The following GCFC2 variants were observed in gnomAD, a reference collection of about 807,000 sequenced individuals.
The protein encoded by GCFC2 is GC-rich sequence DNA-binding factor 2.
Under a neutral mutation model 99.4 loss-of-function variants are expected in GCFC2, and 102 were observed. The ratio of observed to expected loss-of-function variants is 1.03; its 90% CI spans 0.87 to 1.21. The LOEUF is 1.21. GCFC2 is among the 50% of genes most tolerant of loss of function. GCFC2 has a pLI of 0.00. For synonymous variants in GCFC2, 338 were observed against 316.8 expected (o/e 1.07, Z -0.71); for missense variants, 973 against 920.9 (o/e 1.06, Z -0.73).
intron 13 of GCFC2, among the ~76,000 whole-genome samples, chr2:75,672,680 G>A (rs893510904): frequency 1.3e-5 from 2 of 152,038 alleles, no homozygotes; most frequent in African/African-American, 2.4e-5. Context: ...GCAGTTTCTC[G>A]TTCCTCAGCA....
Position 75,687,101 on chromosome 2 carries a change from G to C in GCFC2, c.1690+726C>G, listed in dbSNP as rs537809385. ...AGGTGCCTGCTACCACACCCAGCTA[G>C]TTTTTTGTATTTTTAGTAGAGACGA... On this transcript the variant is annotated intron_variant, in intron 11 of 16. Coordinates refer to ENST00000321027, the MANE Select transcript of GCFC2 (RefSeq NM_003203.5). 6.6e-5 allele frequency among the ~76,000 whole-genome samples: 10 copies of C among 152,128 alleles called. 1 individual carries two copies. In the East Asian group the frequency reaches 1.6e-3, roughly 24 times the overall value.
At chr2:75,692,413 G>C (rs1431877956) in intron 6 of GCFC2, among the ~76,000 whole-genome samples, 1 of 152,016 alleles carries the variant, frequency 6.6e-6, no homozygotes, top group African/African-American at 2.4e-5. Flanking sequence ...AGCACTTTGG[G>C]AGGTGGGTAG....
At chr2:75,669,952 T>C (rs1034295499) in intron 15 of GCFC2, 186 bp downstream of exon 15, 10 of 422,162 alleles carry the variant, frequency 2.4e-5, no homozygotes, top group African/African-American at 1.4e-4. Flanking sequence ...CTCAAACTCC[T>C]GACCTCACGC....
chr2:75,707,171 C>T (rs964410201), intron 1 of GCFC2, among the ~76,000 whole-genome samples: 1 of 152,194 alleles, frequency 6.6e-6, no homozygotes, highest in Non-Finnish European at 1.5e-5. Flanking sequence ...AACTTCAGAA[C>T]TTAGGCTCTC....
At position 75,680,266 on chromosome 2, in the gene GCFC2, C is replaced by T. The variant is rs1558736689; in HGVS notation, c.1739G>A (p.Ser580Asn). The part of the protein sequence containing the change: ...WDPLSTSQTT[S>N]LITHCRVILE... Reference sequence around the variant, plus strand: ...AATCACTCTGCAATGTGTTATTAAACTTGTTGTCTGTGAGGTTGACAAAGG... The same window carrying T: ...AATCACTCTGCAATGTGTTATTAAATTTGTTGTCTGTGAGGTTGACAAAGG... The change falls in exon 12 of 17, where the codon AGT becomes AAT. Residue 580 changes from serine (S) to asparagine (N), a missense_variant. By Grantham distance (46) the Ser-to-Asn change is conservative. Coordinates refer to ENST00000321027, the MANE Select transcript of GCFC2 (RefSeq NM_003203.5). The T allele has an allele frequency of 6.2e-7, 1 of 1,607,608 alleles. No homozygotes were observed. The highest frequency in any genetic ancestry group is 1.7e-5 in the Admixed American group (1 of 59,984).
chr2:75,708,414 T>C lies in GCFC2; in HGVS notation c.266-1763A>G, dbSNP rs185968765. The stretch of plus-strand genomic sequence containing the variant: ...CAAGATGTTACCAATCGTTCATGAG[T>C]AAAAGATCCAAAGTACAAAACAGAA... On this transcript the variant is annotated intron_variant, in intron 1 of 16. Coordinates refer to ENST00000321027, the MANE Select transcript of GCFC2 (RefSeq NM_003203.5). Among the ~76,000 whole-genome samples, 259 of 149,790 alleles carry C rather than the reference T, an allele frequency of 1.7e-3. 1 individual carries two copies. The highest frequency in any genetic ancestry group is 6.2e-3 in the African/African-American group (251 of 40,744).
intron 12 of GCFC2, among the ~76,000 whole-genome samples, chr2:75,679,096 C>G (rs1237580882): frequency 6.6e-6 from 1 of 152,208 alleles, no homozygotes; most frequent in Non-Finnish European, 1.5e-5. Context: ...TGTTTGTTAT[C>G]TTCCCTACTT....
intron 12 of GCFC2, among the ~76,000 whole-genome samples, chr2:75,675,126 T>G (rs1679277896): frequency 6.6e-6 from 1 of 152,214 alleles, no homozygotes; most frequent in African/African-American, 2.4e-5. Context: ...ATTGAAAATG[T>G]TATAAAGGAC....
chr2:75,711,348 A>G (rs1216973244), upstream of GCFC2: 3 of 240,558 alleles, frequency 1.2e-5, no homozygotes, highest in East Asian at 3.6e-4. Context: ...ACAAAACCAT[A>G]AAGTCTGTAC....
rs762613432 is a variant in GCFC2 at position 75,665,920 on chromosome 2, A to G, written c.2228+9T>C. ...CTCTTTATAGAAGTGAAAATAAAAT[A>G]TGCATTACCTGAATTCACTTCTAGA... On this transcript the variant is annotated intron_variant, in intron 16 of 16. Transcript: ENST00000321027. The G allele has an allele frequency of 6.4e-7, 1 of 1,555,932 alleles. No individual in the cohort carries two copies. Among genetic ancestry groups the G allele is most frequent in the Non-Finnish European group, 8.8e-7 (1 of 1,137,700 alleles).
intron 11 of GCFC2, among the ~76,000 whole-genome samples, chr2:75,680,695 AC>A (rs1354344934): frequency 2.0e-5 from 3 of 152,126 alleles, no homozygotes; most frequent in Admixed American, 6.5e-5. Flanking sequence ...ATTACTTCAT[AC>A]CTTCTCCCCT....
chr2:75,701,594 T>TA (rs1329147522), intron 3 of GCFC2, among the ~76,000 whole-genome samples: 14 of 152,324 alleles, frequency 9.2e-5, no homozygotes, highest in South Asian at 2.1e-4. Flanking sequence ...CCCTATATTG[T>TA]AAAAAACTGA....
intron 11 of GCFC2, among the ~76,000 whole-genome samples, chr2:75,686,772 G>A (rs1679834607): frequency 6.6e-6 from 1 of 152,084 alleles, no homozygotes; most frequent in Non-Finnish European, 1.5e-5. Flanking sequence ...AATTAAATAA[G>A]AGTTTTGCAG....
chr2:75,688,161 G>A (rs1381290666), intron 10 of GCFC2, among the ~76,000 whole-genome samples, 184 bp from the exon 11 acceptor site: 1 of 152,196 alleles, frequency 6.6e-6, no homozygotes, highest in African/African-American at 2.4e-5. Flanking sequence ...GAGACATGGT[G>A]TCTAAGTAAC....
At chr2:75,671,885 C>T in intron 14 of GCFC2, 65 bp downstream of exon 14, 1 of 769,280 alleles carries the variant, frequency 1.3e-6, no homozygotes. Flanking sequence ...GTTTGTTGTT[C>T]TTTGTTCTAT....
chr2:75,680,841 A>G (rs1679541817), intron 11 of GCFC2, among the ~76,000 whole-genome samples: 1 of 152,206 alleles, frequency 6.6e-6, no homozygotes, highest in South Asian at 2.1e-4. Flanking sequence ...GCAATCAGAA[A>G]AGCAGCACTA....
chr2:75,675,793 ATATTT>A (rs1679310412), intron 12 of GCFC2, among the ~76,000 whole-genome samples: 1 of 151,888 alleles, frequency 6.6e-6, no homozygotes, highest in South Asian at 2.1e-4. Flanking sequence ...ATAAATTCAC[ATATTT>A]TAAAACCGTG....
chr2:75,694,848 T>C (rs938713485), intron 5 of GCFC2, among the ~76,000 whole-genome samples: 2 of 152,116 alleles, frequency 1.3e-5, no homozygotes, highest in African/African-American at 4.8e-5. Flanking sequence ...AACGGGAATA[T>C]ATAAGTATAC....
chr2:75,690,510 CTAT>C, intron 8 of GCFC2, 125 bp downstream of exon 8: 1 of 640,190 alleles, frequency 1.6e-6, no homozygotes. Context: ...TTTTGCTTTT[CTAT>C]TATTCTTACA....
Sources: gnomAD v4.1 joint callset for allele counts (sites outside exome capture counted in the v4.1 genomes callset) on GRCh38, gnomAD v4.1.1 for gene constraint, MANE v1.5 for transcripts, NCBI Gene and HGNC (gene_info 2026-07-23, HGNC 2026-07-21) for gene names.